Variants in GUCY1A1 observed in about 807,000 individuals in gnomAD.
GUCY1A1 encodes guanylate cyclase soluble subunit alpha-1.
Under a neutral mutation model 64.5 loss-of-function variants are expected in GUCY1A1, and 48 were observed. The ratio of observed to expected loss-of-function variants is 0.74; its 90% CI spans 0.59 to 0.95. The LOEUF is 0.95. Among genes scored for constraint, GUCY1A1 ranks in the 40% least tolerant of loss-of-function variants. The pLI is 0.00. For missense variants in GUCY1A1, 804 were observed against 825.3 expected, an observed-to-expected ratio of 0.97 and a Z score of 0.32; for synonymous variants, 308 against 303.4, an observed-to-expected ratio of 1.02 and a Z score of -0.16.
At chr4:155,680,460 ATGTGTGTGTGTGTG>A (rs59517530) in intron 2 of GUCY1A1, among the ~76,000 whole-genome samples, 1 of 149,520 alleles carries the variant, frequency 6.7e-6, no homozygotes, top group East Asian at 2.0e-4. Flanking sequence ...TTTTAAGTAT[ATGTGTGTGTGTGTG>A]TGTGTGTGTG....
intron 2 of GUCY1A1, 46 bp from the exon 3 acceptor site, chr4:155,696,710 G>C: frequency 1.7e-6 from 1 of 603,354 alleles, no homozygotes; most frequent in South Asian, 2.3e-5. Flanking sequence ...TTTCATCCGT[G>C]CATAAAGTCA....
intron 8 of GUCY1A1, among the ~76,000 whole-genome samples, chr4:155,720,721 A>T (rs1733863210): frequency 6.6e-6 from 1 of 152,222 alleles, no homozygotes; most frequent in Admixed American, 6.5e-5. Flanking sequence ...AAAACTAGAC[A>T]TAACTGAATT....
intron 2 of GUCY1A1, among the ~76,000 whole-genome samples, chr4:155,683,111 A>T (rs1195846610): frequency 1.3e-5 from 2 of 152,178 alleles, no homozygotes; most frequent in Non-Finnish European, 2.9e-5. Context: ...AAAGTGCAAA[A>T]GGAGGATAGG....
intron 2 of GUCY1A1, among the ~76,000 whole-genome samples, chr4:155,694,248 A>G (rs976280745): frequency 1.3e-5 from 2 of 152,152 alleles, no homozygotes; most frequent in African/African-American, 4.8e-5. Flanking sequence ...AAGTTGTTCA[A>G]AAACTGGATC....
chr4:155,694,937 TA>T (rs1331915715), intron 2 of GUCY1A1, among the ~76,000 whole-genome samples: 1 of 152,224 alleles, frequency 6.6e-6, no homozygotes, highest in East Asian at 1.9e-4. Context: ...AGAACCTAAG[TA>T]ATCATTCCCC....
At chr4:155,720,661 A>C (rs968204956) in intron 8 of GUCY1A1, among the ~76,000 whole-genome samples, 5 of 152,162 alleles carry the variant, frequency 3.3e-5, no homozygotes, top group Admixed American at 3.3e-4. Context: ...TGACATCTTA[A>C]AAGTAAATGA....
At chr4:155,670,606 G>A (rs763979163) in intron 2 of GUCY1A1, among the ~76,000 whole-genome samples, 19 of 152,176 alleles carry the variant, frequency 1.2e-4, no homozygotes, top group Non-Finnish European at 2.1e-4. Flanking sequence ...GAGCTGTAGA[G>A]TGGGCTTCCC....
chr4:155,676,288 TAAG>T lies in GUCY1A1; in HGVS notation c.-113+8874_-113+8876del, dbSNP rs1734921191. ...GACCAAAAGAAAGCAAAGAATGTCCTAAGAAGAGCTGGTTTTTTTTTTTTTTTT... is the reference window on the plus strand; with the variant it reads ...GACCAAAAGAAAGCAAAGAATGTCCTAAGAGCTGGTTTTTTTTTTTTTTTT... On this transcript the variant is annotated intron_variant, in intron 2 of 9. Coordinates refer to ENST00000506455, the MANE Select transcript of GUCY1A1 (RefSeq NM_001130682.3). Among the ~76,000 whole-genome samples, 6 of 134,172 alleles carry T rather than the reference TAAG, an allele frequency of 4.5e-5. No individual in the cohort carries two copies. In the South Asian group the frequency reaches 1.3e-3, roughly 28 times the overall value. The allele number at this position is 134,172 out of a possible 152,430, so 88.0% of individuals were successfully genotyped here. A position where few individuals can be genotyped will look rare whatever the true frequency, so the allele number is the denominator to read the frequency against.
intron 2 of GUCY1A1, among the ~76,000 whole-genome samples, chr4:155,683,548 T>C (rs767867636): frequency 6.6e-5 from 10 of 152,154 alleles, no homozygotes; most frequent in Non-Finnish European, 1.3e-4. Context: ...GCAAACTTGA[T>C]TAAGTGACAA....
At chr4:155,690,853 A>G (rs1471606713) in intron 2 of GUCY1A1, among the ~76,000 whole-genome samples, 1 of 152,216 alleles carries the variant, frequency 6.6e-6, no homozygotes, top group African/African-American at 2.4e-5. Flanking sequence ...TGTTCTTTAC[A>G]CATCACTCTG....
Position 155,734,307 on chromosome 4 carries a change from G to A in GUCY1A1, c.*4076G>A, listed in dbSNP as rs1196468403. ...ACATGCAAAGCTCCAGTGAAGTCTA[G>A]TGCTGTATAATGCTTTAAATCCACA... On this transcript the variant is annotated 3_prime_UTR_variant, in exon 10 of 10. Transcript: ENST00000506455. The A allele has an allele frequency of 1.3e-5, 2 of 151,934 alleles. No homozygotes were observed. Among genetic ancestry groups the A allele is most frequent in the Non-Finnish European group, 2.9e-5 (2 of 67,910 alleles). 9.4% of individuals were successfully genotyped at this position (151,934 alleles called of 1,614,324 possible).
At chr4:155,692,008 A>G in intron 2 of GUCY1A1, among the ~76,000 whole-genome samples, 1 of 151,986 alleles carries the variant, frequency 6.6e-6, no homozygotes, top group South Asian at 2.1e-4. Context: ...ATGCGTTCTC[A>G]TTGTTTAGCT....
chr4:155,715,264 C>T (rs972762910), intron 7 of GUCY1A1, among the ~76,000 whole-genome samples: 5 of 152,058 alleles, frequency 3.3e-5, no homozygotes, highest in African/African-American at 4.8e-5. Context: ...AATGTATAAT[C>T]GTAGCCTACC....
At chr4:155,688,122 G>A (rs1729242428) in intron 2 of GUCY1A1, among the ~76,000 whole-genome samples, 1 of 152,010 alleles carries the variant, frequency 6.6e-6, no homozygotes, top group African/African-American at 2.4e-5. Context: ...CAGCTGCTCG[G>A]GAGGCTGAGG....
chr4:155,710,570 T>A lies in GUCY1A1; in HGVS notation c.405T>A (p.Ser135=). 4 of 1,607,516 alleles carry A rather than the reference T, an allele frequency of 2.5e-6. No homozygotes were observed. Among genetic ancestry groups the A allele is most frequent in the Non-Finnish European group, 3.4e-6 (4 of 1,176,200 alleles). ...TTCCAGTGGAGGTTATCAAAGAATC[T>A]CTTGGTGAAGAGGTTTTTAAAATAT... The part of the protein sequence containing the change: ...AGVPVEVIKE[S]LGEEVFKICY... Residue 135 remains serine, a synonymous_variant, in exon 6 of 10, where the codon TCT becomes TCA. Transcript: ENST00000506455.
chr4:155,681,287 G>T (rs1291348816), intron 2 of GUCY1A1, among the ~76,000 whole-genome samples: 1 of 152,116 alleles, frequency 6.6e-6, no homozygotes, highest in Non-Finnish European at 1.5e-5. Flanking sequence ...CAAAGACCCT[G>T]TACTTTGAGC....
intron 2 of GUCY1A1, among the ~76,000 whole-genome samples, chr4:155,682,343 T>C (rs577329508): frequency 1.3e-5 from 2 of 152,326 alleles, no homozygotes; most frequent in South Asian, 4.1e-4. Flanking sequence ...TCCCTTTTTA[T>C]TGTAGCCATT....
At chr4:155,682,884 T>C (rs2126624341) in intron 2 of GUCY1A1, among the ~76,000 whole-genome samples, 1 of 152,326 alleles carries the variant, frequency 6.6e-6, no homozygotes, top group East Asian at 1.9e-4. Context: ...TTAGAAACTC[T>C]GATTTAGCTT....
intron 3 of GUCY1A1, among the ~76,000 whole-genome samples, chr4:155,702,662 A>G (rs1225546301): frequency 1.3e-5 from 2 of 152,122 alleles, no homozygotes; most frequent in African/African-American, 4.8e-5. Flanking sequence ...ATTGTTCCAC[A>G]TTGTAAATTT....
Sources: allele counts gnomAD v4.1 joint callset (sites outside exome capture counted in the v4.1 genomes callset), GRCh38; gene constraint gnomAD v4.1.1; transcripts MANE v1.5; gene names NCBI Gene and HGNC (gene_info 2026-07-23, HGNC 2026-07-21).